Variants in NRXN1 observed in about 807,000 individuals in gnomAD.
NRXN1 encodes the protein neurexin-1.
Under a neutral mutation model 150.9 loss-of-function variants are expected in NRXN1, and 39 were observed. The observed-to-expected ratio is 0.26, with a 90% CI of 0.20 to 0.34. NRXN1 has a LOEUF of 0.34. NRXN1 is among the 10% of genes least tolerant of loss of function. The pLI is 1.00. For missense variants in NRXN1, 1,815 were observed against 1,949.9 expected (o/e 0.93, Z 1.30); for synonymous variants, 924 against 757.0 (o/e 1.22, Z -3.62).
chr2:50,145,951 G>C (rs533361779), intron 18 of NRXN1, among the ~76,000 whole-genome samples: 2 of 151,486 alleles, frequency 1.3e-5, no homozygotes, highest in African/African-American at 4.8e-5. Context: ...GTAGTCTAGG[G>C]ATGACAAATA....
At chr2:50,856,726 T>C (rs1675330230) in intron 5 of NRXN1, among the ~76,000 whole-genome samples, 1 of 152,214 alleles carries the variant, frequency 6.6e-6, no homozygotes, top group Non-Finnish European at 1.5e-5. Context: ...TTCATGATAC[T>C]TAATTACTTT....
chr2:50,940,473 C>CAAA (rs748999405), intron 2 of NRXN1, among the ~76,000 whole-genome samples: 30 of 75,126 alleles, frequency 4.0e-4, no homozygotes, highest in Non-Finnish European at 7.5e-4. Flanking sequence ...GACTCCATCT[C>CAAA]AAAAAAAAAA....
chr2:50,768,187 T>C (rs911371647), intron 5 of NRXN1, among the ~76,000 whole-genome samples: 3 of 152,114 alleles, frequency 2.0e-5, no homozygotes, highest in African/African-American at 7.2e-5. Flanking sequence ...ATGTTGAGAC[T>C]ACTCTTTGGG....
chr2:50,614,733 CAA>C (rs33968907), intron 8 of NRXN1, among the ~76,000 whole-genome samples: 1,397 of 98,212 alleles, frequency 0.014, 21 homozygotes, highest in African/African-American at 0.051. Flanking sequence ...ATCAGCCATT[CAA>C]AAAAAAAAAA....
intron 15 of NRXN1, among the ~76,000 whole-genome samples, chr2:50,479,145 T>A (rs938075663): frequency 1.3e-5 from 2 of 152,242 alleles, no homozygotes; most frequent in Non-Finnish European, 2.9e-5. Flanking sequence ...AACTTTGAAC[T>A]ATCTTTCAAA....
intron 21 of NRXN1, among the ~76,000 whole-genome samples, chr2:49,982,234 T>C (rs1680098493): frequency 6.6e-6 from 1 of 152,174 alleles, no homozygotes; most frequent in Admixed American, 6.5e-5. Context: ...AGATTATCAA[T>C]AGATTTCATG....
At position 50,276,818 on chromosome 2, in the gene NRXN1, G is replaced by A. The variant is rs182430417; in HGVS notation, c.3365-39848C>T. 7.2e-5 allele frequency among the ~76,000 whole-genome samples: 11 copies of A among 152,146 alleles called. No individual in the cohort carries two copies. The East Asian group carries it at 2.1e-3, about 29-fold the overall frequency. On this transcript the variant is annotated intron_variant, in intron 17 of 22. Transcript: ENST00000401669. Reference sequence around the variant, plus strand: ...CCTGTTTTAATGATCTTTAAGAGGGGAAAAGACCCTTCAATAGAGAACTTG... The same window carrying A: ...CCTGTTTTAATGATCTTTAAGAGGGAAAAAGACCCTTCAATAGAGAACTTG...
At chr2:50,721,436 A>G (rs558253987) in intron 5 of NRXN1, among the ~76,000 whole-genome samples, 20 of 152,336 alleles carry the variant, frequency 1.3e-4, no homozygotes, top group African/African-American at 4.6e-4. Context: ...TGTAGCATAC[A>G]GATTCCTCTG....
chr2:50,972,002 T>C (rs1695075090), intron 2 of NRXN1, among the ~76,000 whole-genome samples: 1 of 151,814 alleles, frequency 6.6e-6, no homozygotes, highest in African/African-American at 2.4e-5. Flanking sequence ...AGAATTTCAG[T>C]AAGAGGGAAG....
intron 5 of NRXN1, among the ~76,000 whole-genome samples, chr2:50,640,530 T>C (rs185022436): frequency 8.5e-5 from 13 of 152,274 alleles, no homozygotes; most frequent in Admixed American, 8.5e-4. Context: ...GATGTTACAT[T>C]ATCAGACTGA....
At chr2:50,202,774 ACATCATT>A (rs2062273728) in intron 18 of NRXN1, among the ~76,000 whole-genome samples, 1 of 152,176 alleles carries the variant, frequency 6.6e-6, no homozygotes, top group African/African-American at 2.4e-5. Context: ...ACAAAATACA[ACATCATT>A]GGTAGCAAGT....
intron 17 of NRXN1, among the ~76,000 whole-genome samples, chr2:50,462,884 T>C (rs1036096468): frequency 6.6e-6 from 1 of 151,816 alleles, no homozygotes; most frequent in African/African-American, 2.4e-5. Flanking sequence ...ATAAACCTTA[T>C]CAGCGAGATG....
chr2:50,296,531 T>TATTATTATTATTATTATTATC (rs2073589118), intron 17 of NRXN1, among the ~76,000 whole-genome samples: 1 of 149,784 alleles, frequency 6.7e-6, no homozygotes, highest in Admixed American at 6.6e-5. Context: ...TTATTATTAT[T>TATTATTATTATTATTATTATC]ATTATCATTA....
At chr2:50,795,391 T>A (rs1411364903) in intron 5 of NRXN1, among the ~76,000 whole-genome samples, 8 of 152,110 alleles carry the variant, frequency 5.3e-5, no homozygotes, top group Admixed American at 5.2e-4. Flanking sequence ...AGTTTATTTT[T>A]TCTCCCTTAC....
At chr2:50,573,653 T>C (rs1670984775) in intron 8 of NRXN1, among the ~76,000 whole-genome samples, 1 of 151,912 alleles carries the variant, frequency 6.6e-6, no homozygotes, top group African/African-American at 2.4e-5. Flanking sequence ...CCCAAAGAGA[T>C]GTAAACCTGA....
chr2:50,278,315 T>TA (rs202061860), intron 17 of NRXN1, among the ~76,000 whole-genome samples: 11,218 of 130,388 alleles, frequency 0.086, 745 homozygotes, highest in African/African-American at 0.17. Context: ...TTTATATATA[T>TA]ATTATATATA....
intron 2 of NRXN1, among the ~76,000 whole-genome samples, chr2:50,979,082 C>A (rs1178305027): frequency 2.0e-5 from 3 of 152,022 alleles, no homozygotes; most frequent in African/African-American, 7.2e-5. Flanking sequence ...ATTTAACAAG[C>A]AGCTAATGAG....
intron 9 of NRXN1, among the ~76,000 whole-genome samples, chr2:50,539,396 C>T (rs1373098529): frequency 2.6e-5 from 4 of 152,050 alleles, no homozygotes; most frequent in Non-Finnish European, 4.4e-5. Context: ...TTTTCTCACT[C>T]CAAATGTTAA....
chr2:50,725,807 C>A (rs1051793250), intron 5 of NRXN1, among the ~76,000 whole-genome samples: 8 of 152,106 alleles, frequency 5.3e-5, no homozygotes, highest in Non-Finnish European at 8.8e-5. Context: ...ATACAGAAAT[C>A]TCAGAAATCA....
Sources: gnomAD v4.1 joint callset for allele counts (sites outside exome capture counted in the v4.1 genomes callset) on GRCh38, gnomAD v4.1.1 for gene constraint, MANE v1.5 for transcripts, NCBI Gene and HGNC (gene_info 2026-07-23, HGNC 2026-07-21) for gene names.